Variants in TMEM131 observed in about 807,000 individuals in gnomAD.
TMEM131 encodes transmembrane protein 131, also known as 2610524E03Rik.
TMEM131 carries 66 observed loss-of-function variants against 211.6 expected under a neutral mutation model. The observed-to-expected ratio is 0.31, with a 90% CI of 0.26 to 0.38. The LOEUF (loss-of-function observed/expected upper bound fraction) is 0.38. Among genes scored for constraint, TMEM131 ranks in the 10% least tolerant of loss-of-function variants. The probability of loss-of-function intolerance (pLI) is 1.00; values close to 1 mark genes in which losing one functional copy is unlikely to be tolerated. For synonymous variants in TMEM131, 844 were observed against 841.3 expected, an observed-to-expected ratio of 1.00 and a Z score of -0.06; for missense variants, 2,036 against 2,299.3, an observed-to-expected ratio of 0.89 and a Z score of 2.34.
Position 97,802,748 on chromosome 2 carries a change from A to AT in TMEM131, c.2444dup (p.Asn815LysfsTer9). ...GCTCAGCAGTGATTTTTGATATTAT[A>AT]TTTTTTTGAAGGTCTGTATTTACTT... On this transcript the variant is annotated frameshift_variant, in exon 23 of 41. Transcript: ENST00000186436. LOFTEE classifies it high-confidence loss of function. 2 of 1,574,798 alleles carry AT rather than the reference A, an allele frequency of 1.3e-6. No homozygotes were observed. Among genetic ancestry groups the AT allele is most frequent in the Non-Finnish European group, 1.7e-6 (2 of 1,166,364 alleles).
chr2:97,950,691 G>A (rs1206970322), intron 1 of TMEM131, among the ~76,000 whole-genome samples: 1 of 151,902 alleles, frequency 6.6e-6, no homozygotes, highest in African/African-American at 2.4e-5. Flanking sequence ...AATGAGTTCA[G>A]AGCCAGAACT....
At chr2:97,845,126 C>G (rs934810132) in intron 5 of TMEM131, among the ~76,000 whole-genome samples, 1 of 149,408 alleles carries the variant, frequency 6.7e-6, no homozygotes, top group East Asian at 2.1e-4. Context: ...TGTAGTGCAA[C>G]AAAAGAATAA....
intron 33 of TMEM131, among the ~76,000 whole-genome samples, chr2:97,767,931 A>G (rs1219674244): frequency 6.6e-6 from 1 of 152,156 alleles, no homozygotes; most frequent in Non-Finnish European, 1.5e-5. Context: ...AAGAGTTCCA[A>G]CTTTCCCGAT....
chr2:97,944,786 T>C (rs1324822860), intron 1 of TMEM131, among the ~76,000 whole-genome samples: 1 of 152,050 alleles, frequency 6.6e-6, no homozygotes, highest in Non-Finnish European at 1.5e-5. Context: ...AACAAAAGGA[T>C]GGCTGTAATA....
intron 11 of TMEM131, among the ~76,000 whole-genome samples, chr2:97,821,629 C>A (rs1048773706): frequency 1.3e-5 from 2 of 152,196 alleles, no homozygotes; most frequent in African/African-American, 4.8e-5. Context: ...CACATTTTGG[C>A]GACCCACATG....
At chr2:97,812,276 C>T (rs972099002) in intron 17 of TMEM131, 145 bp downstream of exon 17, 14 of 862,506 alleles carry the variant, frequency 1.6e-5, no homozygotes, top group African/African-American at 5.2e-5. Flanking sequence ...AATTACATTA[C>T]CTATAAGGTC....
intron 1 of TMEM131, among the ~76,000 whole-genome samples, chr2:97,938,084 G>T (rs979280911): frequency 2.0e-5 from 3 of 152,160 alleles, no homozygotes; most frequent in African/African-American, 7.2e-5. Flanking sequence ...ATGCCAAATT[G>T]TAAAGACCAT....
chr2:97,797,133 AGAG>A (rs1315686050), intron 26 of TMEM131, 147 bp from the exon 27 acceptor site: 23 of 987,550 alleles, frequency 2.3e-5, no homozygotes, highest in Admixed American at 6.0e-5. Context: ...AAAAATACAC[AGAG>A]AAGAGCAAGT....
At chr2:97,839,623 C>T (rs1407887547) in intron 7 of TMEM131, among the ~76,000 whole-genome samples, 1 of 152,176 alleles carries the variant, frequency 6.6e-6, no homozygotes, top group Non-Finnish European at 1.5e-5. Context: ...CCCACATACA[C>T]GCATGCACAA....
intron 3 of TMEM131, among the ~76,000 whole-genome samples, chr2:97,896,739 G>A (rs1174576028): frequency 2.6e-5 from 4 of 152,040 alleles, no homozygotes; most frequent in Non-Finnish European, 5.9e-5. Context: ...ATCTGGACAA[G>A]AAGTTTTAAA....
intron 11 of TMEM131, among the ~76,000 whole-genome samples, chr2:97,822,541 G>A (rs535789293): frequency 5.6e-4 from 86 of 152,240 alleles, no homozygotes; most frequent in African/African-American, 1.9e-3. Flanking sequence ...ACAGGTTTTC[G>A]AGAATGCGTC....
chr2:97,948,605 G>A (rs780891567), intron 1 of TMEM131, among the ~76,000 whole-genome samples: 2 of 152,140 alleles, frequency 1.3e-5, no homozygotes, highest in Non-Finnish European at 2.9e-5. Context: ...CCCTGCTAAC[G>A]GGAATATAAA....
chr2:97,966,665 A>G (rs1209127373), intron 1 of TMEM131, among the ~76,000 whole-genome samples: 2 of 152,178 alleles, frequency 1.3e-5, no homozygotes, highest in African/African-American at 2.4e-5. Context: ...GTCCAGAGTC[A>G]AACATAACAT....
At chr2:97,953,496 C>T (rs547730823) in intron 1 of TMEM131, among the ~76,000 whole-genome samples, 4 of 152,030 alleles carry the variant, frequency 2.6e-5, no homozygotes, top group Non-Finnish European at 4.4e-5. Context: ...AAATACTGCT[C>T]CTAAAAGTAA....
chr2:97,830,859 T>C (rs572984005), intron 11 of TMEM131, among the ~76,000 whole-genome samples: 1 of 152,284 alleles, frequency 6.6e-6, no homozygotes, highest in African/African-American at 2.4e-5. Flanking sequence ...AGAGAATGAA[T>C]TCCCTGAAGG....
intron 33 of TMEM131, 101 bp downstream of exon 33, chr2:97,772,196 A>G: frequency 6.8e-7 from 1 of 1,478,840 alleles, no homozygotes; most frequent in Non-Finnish European, 9.2e-7. Context: ...AACTCCCCTA[A>G]AAGCCAACCA....
chr2:97,951,241 C>A (rs1388093467), intron 1 of TMEM131, among the ~76,000 whole-genome samples: 4 of 152,156 alleles, frequency 2.6e-5, no homozygotes. Context: ...CTTTTGTAGT[C>A]TGTAGTTCCA....
intron 19 of TMEM131, 122 bp from the exon 20 acceptor site, chr2:97,805,825 T>C: frequency 2.1e-6 from 2 of 931,650 alleles, no homozygotes; most frequent in South Asian, 2.6e-5. Context: ...TCTTAGAATG[T>C]TCATCAATTG....
chr2:97,802,879 G>C (rs1248093353), intron 22 of TMEM131, 89 bp from the exon 23 acceptor site: 2 of 1,169,370 alleles, frequency 1.7e-6, no homozygotes, highest in Non-Finnish European at 1.2e-6. Context: ...ATGTACTTGA[G>C]AAATTTTTTG....
Sources: gnomAD v4.1 joint callset for allele counts (sites outside exome capture counted in the v4.1 genomes callset) on GRCh38, gnomAD v4.1.1 for gene constraint, MANE v1.5 for transcripts, NCBI Gene and HGNC (gene_info 2026-07-23, HGNC 2026-07-21) for gene names.